The following CDH8 variants were observed in gnomAD, a reference collection of about 807,000 sequenced individuals.
CDH8 encodes cadherin 8.
In CDH8, 17 loss-of-function variants were observed where a neutral mutation model predicts 68.1. The ratio of observed to expected loss-of-function variants is 0.25; its 90% CI spans 0.17 to 0.37. The LOEUF (loss-of-function observed/expected upper bound fraction) is 0.37, where lower values mean the gene tolerates loss of function less well. Ranked by LOEUF, CDH8 falls within the 10% of genes least tolerant of loss-of-function variation. The pLI is 1.00. For missense variants in CDH8, 763 were observed against 999.3 expected (o/e 0.76, Z 3.19); for synonymous variants, 372 against 365.1 (o/e 1.02, Z -0.21).
intron 1 of CDH8, among the ~76,000 whole-genome samples, chr16:62,024,997 A>C (rs941935599): frequency 6.6e-6 from 1 of 152,226 alleles, no homozygotes; most frequent in Non-Finnish European, 1.5e-5. Context: ...AGATAAAGAA[A>C]TACATAAACA....
chr16:61,801,710 C>G (rs1961641809), intron 7 of CDH8, among the ~76,000 whole-genome samples: 2 of 152,172 alleles, frequency 1.3e-5, no homozygotes, highest in African/African-American at 4.8e-5. Flanking sequence ...GTGACGGACG[C>G]ACCTGGAAAA....
At chr16:61,738,734 T>C (rs980233983) in intron 8 of CDH8, among the ~76,000 whole-genome samples, 3 of 152,188 alleles carry the variant, frequency 2.0e-5, no homozygotes, top group African/African-American at 7.2e-5. Context: ...ATTATTTAAG[T>C]ATGCTTACAA....
chr16:62,003,371 G>A (rs1301910786), intron 2 of CDH8, among the ~76,000 whole-genome samples: 1 of 152,164 alleles, frequency 6.6e-6, no homozygotes, highest in Non-Finnish European at 1.5e-5. Context: ...ATAGCTCTCA[G>A]TTATTGCAAC....
intron 9 of CDH8, among the ~76,000 whole-genome samples, chr16:61,719,988 T>C (rs945736090): frequency 1.9e-5 from 2 of 106,940 alleles, no homozygotes; most frequent in Non-Finnish European, 3.8e-5. Context: ...CCCAATCTTA[T>C]TAGGTAACAC....
chr16:61,783,031 T>C (rs1420258951), intron 8 of CDH8, among the ~76,000 whole-genome samples: 1 of 148,442 alleles, frequency 6.7e-6, no homozygotes, highest in Non-Finnish European at 1.5e-5. Flanking sequence ...GCAGAGCGCC[T>C]CTCCTCCTCC....
At chr16:61,739,057 T>G (rs2142919417) in intron 8 of CDH8, among the ~76,000 whole-genome samples, 1 of 152,296 alleles carries the variant, frequency 6.6e-6, no homozygotes, top group South Asian at 2.1e-4. Flanking sequence ...TTTAGTAAAC[T>G]AAGTCTTCTT....
chr16:62,000,305 G>A (rs1167696680), intron 2 of CDH8, among the ~76,000 whole-genome samples: 1 of 152,042 alleles, frequency 6.6e-6, no homozygotes, highest in Non-Finnish European at 1.5e-5. Context: ...ATAATCCTTT[G>A]GGTATATACC....
intron 7 of CDH8, 152 bp downstream of exon 7, chr16:61,817,327 C>T (rs966936344): frequency 1.4e-6 from 1 of 710,068 alleles, no homozygotes; most frequent in Non-Finnish European, 2.4e-6. Flanking sequence ...CACACACACA[C>T]ACACACACAC....
chr16:61,822,814 C>T lies in CDH8; in HGVS notation c.836-1701G>A, dbSNP rs371353604. Among the ~76,000 whole-genome samples, 4 of 151,816 alleles carry T rather than the reference C, an allele frequency of 2.6e-5. No homozygotes were observed. The East Asian group carries it at 7.8e-4, about 30-fold the overall frequency. ...AAATAAATAAGACAGCAAGGGGCCG[C>T]GCCGTGCTGCTAGTCCTACATGGGG... On this transcript the variant is annotated intron_variant, in intron 5 of 11. Transcript: ENST00000577390.
At chr16:61,719,160 C>A (rs1275461284) in intron 9 of CDH8, among the ~76,000 whole-genome samples, 1 of 147,790 alleles carries the variant, frequency 6.8e-6, no homozygotes, top group Non-Finnish European at 1.5e-5. Flanking sequence ...AACATCCTTG[C>A]CTTAAAGTTT....
chr16:61,907,272 T>C (rs963983890), intron 2 of CDH8, among the ~76,000 whole-genome samples: 5 of 152,120 alleles, frequency 3.3e-5, no homozygotes, highest in African/African-American at 7.2e-5. Context: ...AGGATTGGGA[T>C]TGAGTAAATT....
chr16:61,664,863 C>G (rs953525394), intron 10 of CDH8, among the ~76,000 whole-genome samples: 1 of 151,958 alleles, frequency 6.6e-6, no homozygotes. Flanking sequence ...TATAGTTAGT[C>G]AAGGAGAAAT....
intron 5 of CDH8, 134 bp from the exon 6 acceptor site, chr16:61,821,247 C>T: frequency 1.7e-6 from 1 of 574,968 alleles, no homozygotes; most frequent in South Asian, 3.2e-5. Context: ...ATAGAAAAGA[C>T]AGAAATATCC....
At chr16:61,713,793 A>C (rs749423336) in intron 10 of CDH8, 48 bp downstream of exon 10, 1 of 1,008,766 alleles carries the variant, frequency 9.9e-7, no homozygotes, top group Admixed American at 1.9e-5. Context: ...ATTGCATCCT[A>C]TTTTCCAATT....
chr16:61,844,362 A>G (rs759725365), intron 4 of CDH8, among the ~76,000 whole-genome samples: 5 of 151,894 alleles, frequency 3.3e-5, no homozygotes, highest in Admixed American at 6.6e-5. Context: ...GCACACCAAC[A>G]TGGCACATGT....
At chr16:61,784,151 A>T (rs950433134) in intron 8 of CDH8, among the ~76,000 whole-genome samples, 2 of 151,882 alleles carry the variant, frequency 1.3e-5, no homozygotes, top group Non-Finnish European at 2.9e-5. Flanking sequence ...CAAATTGGAT[A>T]AAGAGTCAAG....
chr16:61,754,043 T>C (rs1305778450), intron 8 of CDH8, among the ~76,000 whole-genome samples: 2 of 152,154 alleles, frequency 1.3e-5, no homozygotes, highest in Admixed American at 6.6e-5. Flanking sequence ...CTGGATTTAA[T>C]TGTAAGGTCT....
chr16:61,740,862 C>CTATATATT (rs1959852857), intron 8 of CDH8, among the ~76,000 whole-genome samples: 1 of 151,972 alleles, frequency 6.6e-6, no homozygotes, highest in Non-Finnish European at 1.5e-5. Context: ...TTCTATATGT[C>CTATATATT]TTCTGATGCA....
intron 2 of CDH8, among the ~76,000 whole-genome samples, chr16:61,986,622 C>T (rs1965633609): frequency 6.6e-6 from 1 of 152,096 alleles, no homozygotes; most frequent in Admixed American, 6.6e-5. Flanking sequence ...GATATGTGTC[C>T]AAGCAGTCCT....
Sources: gnomAD v4.1 joint callset for allele counts (sites outside exome capture counted in the v4.1 genomes callset) on GRCh38, gnomAD v4.1.1 for gene constraint, MANE v1.5 for transcripts, NCBI Gene and HGNC (gene_info 2026-07-23, HGNC 2026-07-21) for gene names.